Variants in NRXN1 observed in about 807,000 individuals in gnomAD.
NRXN1 encodes the protein neurexin 1.
Under a neutral mutation model 150.9 loss-of-function variants are expected in NRXN1, and 39 were observed. The observed-to-expected ratio is 0.26, with a 90% CI of 0.20 to 0.34. The LOEUF (loss-of-function observed/expected upper bound fraction) is 0.34. NRXN1 is among the 10% of genes least tolerant of loss of function. The pLI is 1.00. For missense variants in NRXN1, 1,815 were observed against 1,949.9 expected, an observed-to-expected ratio of 0.93 and a Z score of 1.30; for synonymous variants, 924 against 757.0, an observed-to-expected ratio of 1.22 and a Z score of -3.62.
At chr2:50,554,957 T>C (rs1179473359) in intron 8 of NRXN1, among the ~76,000 whole-genome samples, 1 of 152,190 alleles carries the variant, frequency 6.6e-6, no homozygotes, top group South Asian at 2.1e-4. Flanking sequence ...TTCTTAAGAA[T>C]ACTTTTTTGA....
chr2:50,592,954 G>A (rs1187828858), intron 8 of NRXN1, among the ~76,000 whole-genome samples: 6 of 152,176 alleles, frequency 3.9e-5, no homozygotes, highest in Admixed American at 1.3e-4. Context: ...GGAAGGCCTC[G>A]TAGCCAAATG....
rs59163565 is a variant in NRXN1 at position 50,163,164 on chromosome 2, G to GTATATATATATA, written c.3547-71682_3547-71671dup. The stretch of plus-strand genomic sequence containing the variant: ...AGTTATAGATCTATCAATCCAAAAT[G>GTATATATATATA]TATATATATATATATATATATAAAA... On this transcript the variant is annotated intron_variant, in intron 18 of 22. Coordinates refer to ENST00000401669, the MANE Select transcript of NRXN1 (RefSeq NM_001330078.2). Among the ~76,000 whole-genome samples, 761 of 141,702 alleles carry GTATATATATATA rather than the reference G, an allele frequency of 5.4e-3. 8 individuals carry two copies. The highest frequency in any genetic ancestry group is 7.2e-3 in the African/African-American group (282 of 39,040). The allele number at this position is 141,702 out of a possible 152,430, so 93.0% of individuals were successfully genotyped here.
chr2:50,549,901 CAT>C lies in NRXN1; in HGVS notation c.1759+2684_1759+2685del, dbSNP rs35033573. 5.1e-3 allele frequency among the ~76,000 whole-genome samples: 770 copies of C among 151,968 alleles called. 5 individuals are homozygous for C. The highest frequency in any genetic ancestry group is 0.018 in the African/African-American group (738 of 41,422). On this transcript the variant is annotated intron_variant, in intron 9 of 22. Coordinates refer to ENST00000401669, the MANE Select transcript of NRXN1 (RefSeq NM_001330078.2). ...CATGTGTGGCATGTATGTACATATGCATATATATACATACATATACACATATA... is the reference window on the plus strand; with the variant it reads ...CATGTGTGGCATGTATGTACATATGCATATATACATACATATACACATATA...
chr2:50,498,036 G>C (rs2091742190), intron 13 of NRXN1, among the ~76,000 whole-genome samples: 1 of 152,054 alleles, frequency 6.6e-6, no homozygotes, highest in Non-Finnish European at 1.5e-5. Context: ...GAAGGAGAGG[G>C]AGGAAAAAAG....
chr2:50,706,086 G>T (rs1414280162), intron 5 of NRXN1, among the ~76,000 whole-genome samples: 1 of 152,114 alleles, frequency 6.6e-6, no homozygotes, highest in Non-Finnish European at 1.5e-5. Flanking sequence ...CTTCATTCTG[G>T]TGTCTACTAG....
At position 50,944,651 on chromosome 2, in the gene NRXN1, T is replaced by C. The variant is rs191778043; in HGVS notation, c.773-18696A>G. ...TGGCAAAAGGAAATTGTATACTGAG[T>C]AACAGCAAGAATCTGAATGCCAATT... On this transcript the variant is annotated intron_variant, in intron 2 of 22. Transcript: ENST00000401669. 2.9e-4 allele frequency among the ~76,000 whole-genome samples: 44 copies of C among 152,308 alleles called. 1 individual carries two copies. Among genetic ancestry groups the C allele is most frequent in the African/African-American group, 1.0e-3 (43 of 41,580 alleles).
chr2:50,942,398 T>C (rs1461832144), intron 2 of NRXN1, among the ~76,000 whole-genome samples: 1 of 152,034 alleles, frequency 6.6e-6, no homozygotes, highest in Non-Finnish European at 1.5e-5. Context: ...CCCAGAATGG[T>C]AGATCCACCG....
chr2:50,414,378 C>T (rs747407867), intron 17 of NRXN1, among the ~76,000 whole-genome samples: 13 of 148,006 alleles, frequency 8.8e-5, no homozygotes, highest in Non-Finnish European at 1.6e-4. Flanking sequence ...ATTATAAAAA[C>T]ATACCTTTTT....
chr2:50,038,827 CT>C (rs1182781417), intron 21 of NRXN1, among the ~76,000 whole-genome samples: 2 of 104,700 alleles, frequency 1.9e-5, no homozygotes, highest in East Asian at 7.0e-4. Context: ...CCCTTTCTTT[CT>C]TTTTGCCAAA....
At chr2:50,212,226 A>G (rs961944279) in intron 18 of NRXN1, among the ~76,000 whole-genome samples, 6 of 151,496 alleles carry the variant, frequency 4.0e-5, no homozygotes, top group African/African-American at 1.2e-4. Context: ...TAAATGTCAC[A>G]GAAACTCTCA....
chr2:50,848,370 T>C (rs1674002194), intron 5 of NRXN1, among the ~76,000 whole-genome samples: 1 of 152,098 alleles, frequency 6.6e-6, no homozygotes. Flanking sequence ...CTATGCTCCC[T>C]AGGAAAGTTA....
intron 17 of NRXN1, among the ~76,000 whole-genome samples, chr2:50,276,011 T>C (rs2070407838): frequency 6.8e-6 from 1 of 146,794 alleles, no homozygotes; most frequent in Non-Finnish European, 1.5e-5. Flanking sequence ...AAGCCCAGTC[T>C]GCAATTTTGC....
chr2:50,118,342 T>TA (rs1335426851), intron 18 of NRXN1, among the ~76,000 whole-genome samples: 1 of 152,130 alleles, frequency 6.6e-6, no homozygotes, highest in East Asian at 1.9e-4. Flanking sequence ...AGTAGCAAGG[T>TA]TATAATGTAT....
At chr2:50,406,487 C>T (rs1408747643) in intron 17 of NRXN1, among the ~76,000 whole-genome samples, 1 of 152,092 alleles carries the variant, frequency 6.6e-6, no homozygotes, top group Non-Finnish European at 1.5e-5. Flanking sequence ...CTTTAATGAC[C>T]TCTACTTTCT....
At chr2:50,862,711 C>T (rs539457040) in intron 5 of NRXN1, among the ~76,000 whole-genome samples, 1 of 152,100 alleles carries the variant, frequency 6.6e-6, no homozygotes, top group Non-Finnish European at 1.5e-5. Flanking sequence ...AGGCACTTTA[C>T]ATATTTGCTT....
At chr2:50,851,176 A>G (rs1180000221) in intron 5 of NRXN1, among the ~76,000 whole-genome samples, 1 of 152,090 alleles carries the variant, frequency 6.6e-6, no homozygotes, top group Non-Finnish European at 1.5e-5. Flanking sequence ...CTTAGTACAC[A>G]TTGTTTCCTG....
chr2:49,980,542 G>GT (rs1270984947), intron 21 of NRXN1, among the ~76,000 whole-genome samples: 13 of 152,284 alleles, frequency 8.5e-5, no homozygotes, highest in African/African-American at 3.1e-4. Flanking sequence ...ATGACTTAGA[G>GT]CCATCCATTA....
intron 5 of NRXN1, among the ~76,000 whole-genome samples, chr2:50,713,787 G>A (rs568745845): frequency 6.6e-6 from 1 of 152,282 alleles, no homozygotes; most frequent in South Asian, 2.1e-4. Context: ...GGTCTATTGA[G>A]GAGTAGTTTG....
Position 50,373,429 on chromosome 2 carries a change from T to C in NRXN1, c.3364+92013A>G, listed in dbSNP as rs889017243. 7.3e-5 allele frequency among the ~76,000 whole-genome samples: 11 copies of C among 149,896 alleles called. No homozygotes were observed. In the East Asian group the frequency reaches 2.2e-3, roughly 29 times the overall value. Reference sequence around the variant, plus strand: ...CCACTCCCGGCAGCTGGATCTCTAATTGAACTCTTCTGCTCCCTAGCTCCC... The same window carrying C: ...CCACTCCCGGCAGCTGGATCTCTAACTGAACTCTTCTGCTCCCTAGCTCCC... On this transcript the variant is annotated intron_variant, in intron 17 of 22. Coordinates refer to ENST00000401669, the MANE Select transcript of NRXN1 (RefSeq NM_001330078.2).
Sources: allele counts gnomAD v4.1 joint callset (sites outside exome capture counted in the v4.1 genomes callset), GRCh38; gene constraint gnomAD v4.1.1; transcripts MANE v1.5; gene names NCBI Gene and HGNC (gene_info 2026-07-23, HGNC 2026-07-21).